Variants in HDAC9 observed in about 807,000 individuals in gnomAD.
HDAC9 encodes histone deacetylase 9, also known as MEF-2 interacting transcription repressor (MITR) protein.
A neutral mutation model predicts 139.4 loss-of-function variants in HDAC9; 41 were observed. The observed-to-expected ratio is 0.29, with a 90% CI of 0.23 to 0.38. The LOEUF (loss-of-function observed/expected upper bound fraction) is 0.38, where lower values mean the gene tolerates loss of function less well. HDAC9 is among the 10% of genes least tolerant of loss of function. The pLI is 1.00. For synonymous variants in HDAC9, 517 were observed against 476.2 expected, an observed-to-expected ratio of 1.09 and a Z score of -1.12; for missense variants, 1,147 against 1,297.0, an observed-to-expected ratio of 0.88 and a Z score of 1.78.
intron 17 of HDAC9, among the ~76,000 whole-genome samples, chr7:18,802,110 A>G (rs1020202597): frequency 4.0e-5 from 6 of 151,634 alleles, no homozygotes; most frequent in African/African-American, 1.5e-4. Flanking sequence ...AATTTCTTAA[A>G]TTATTTAGCT....
At chr7:18,856,187 A>C (rs986374656) in intron 21 of HDAC9, among the ~76,000 whole-genome samples, 2 of 152,126 alleles carry the variant, frequency 1.3e-5, no homozygotes, top group African/African-American at 4.8e-5. Context: ...GGTTCACGCT[A>C]AGGCTCACAG....
Position 18,834,075 on chromosome 7 carries a change from A to G in HDAC9, c.2467-1392A>G, listed in dbSNP as rs375904310. Reference sequence around the variant, plus strand: ...CCCAGTCTTGCAACTTATTTCCTGCATAGTCTTAGTAACTGAAACTCTCTG... The same window carrying G: ...CCCAGTCTTGCAACTTATTTCCTGCGTAGTCTTAGTAACTGAAACTCTCTG... On this transcript the variant is annotated intron_variant, in intron 19 of 25. Coordinates refer to ENST00000686413, the MANE Select transcript of HDAC9 (RefSeq NM_178425.4). Among the ~76,000 whole-genome samples the G allele has an allele frequency of 5.8e-4, 88 of 152,340 alleles. 1 individual carries two copies. Among genetic ancestry groups the G allele is most frequent in the African/African-American group, 2.0e-3 (84 of 41,582 alleles).
intron 2 of HDAC9, among the ~76,000 whole-genome samples, chr7:18,179,859 A>G (rs1789250888): frequency 1.3e-5 from 2 of 152,174 alleles, no homozygotes; most frequent in Admixed American, 1.3e-4. Context: ...GAGATAGTAA[A>G]GTATCACATG....
chr7:18,288,707 G>A (rs952597400), upstream of HDAC9, among the ~76,000 whole-genome samples: 1 of 152,196 alleles, frequency 6.6e-6, no homozygotes, highest in Non-Finnish European at 1.5e-5. Flanking sequence ...GAAGCTTTGT[G>A]CTTGAGCAGC....
intron 16 of HDAC9, among the ~76,000 whole-genome samples, chr7:18,788,560 G>C (rs1286282379): frequency 6.6e-6 from 1 of 152,012 alleles, no homozygotes; most frequent in Non-Finnish European, 1.5e-5. Flanking sequence ...TTCAAGACTA[G>C]CCTGGCCAAC....
rs182552706 is a variant in HDAC9, at chr7:18,766,528, T to A, written c.2165-578T>A. ...TGTACTGTTTAAAAAATTGTGGATG[T>A]TAGAAGTGGCCTATGGTGTACTTGG... On this transcript the variant is annotated intron_variant, in intron 15 of 25. Transcript: ENST00000686413. 2.0e-5 allele frequency among the ~76,000 whole-genome samples: 3 copies of A among 152,326 alleles called. No homozygotes were observed. The East Asian group carries it at 5.8e-4, about 29-fold the overall frequency.
At chr7:18,482,416 A>T (rs943232722) in intron 1 of HDAC9, among the ~76,000 whole-genome samples, 5 of 139,564 alleles carry the variant, frequency 3.6e-5, no homozygotes, top group Non-Finnish European at 7.7e-5. Context: ...AAAAAAAAAA[A>T]ATTCTCCTTG....
intron 2 of HDAC9, among the ~76,000 whole-genome samples, chr7:18,515,112 G>C (rs1296899757): frequency 6.6e-6 from 1 of 152,114 alleles, no homozygotes. Flanking sequence ...GATTATATTG[G>C]TTATTGGTTC....
chr7:18,811,870 G>C (rs1401112894), intron 17 of HDAC9, among the ~76,000 whole-genome samples: 3 of 151,404 alleles, frequency 2.0e-5, no homozygotes, highest in Non-Finnish European at 4.4e-5. Context: ...GAGAGGGAGA[G>C]AGAGAAAGAG....
rs2129356428 is a variant in HDAC9, at chr7:18,998,719, AG to A, written c.*2658del. ...TCGCAGTTGTTCTGAATGAGAGGCT[AG>A]AAGAGTATTATCAATTTTGCATCTC... On this transcript the variant is annotated 3_prime_UTR_variant, in exon 26 of 26. Transcript: ENST00000686413. The A allele has an allele frequency of 6.6e-6, 1 of 152,336 alleles. No individual in the cohort carries two copies. The highest frequency in any genetic ancestry group is 2.1e-4 in the South Asian group (1 of 4,830). 9.4% of individuals were successfully genotyped at this position (152,336 alleles called of 1,614,324 possible). A position where few individuals can be genotyped will look rare whatever the true frequency, so the allele number is the denominator to read the frequency against.
chr7:18,333,205 A>C (rs1457414333), intron 1 of HDAC9, among the ~76,000 whole-genome samples: 1 of 151,558 alleles, frequency 6.6e-6, no homozygotes, highest in Non-Finnish European at 1.5e-5. Context: ...GCTCAACTAG[A>C]GATAGAAATA....
chr7:18,603,818 G>A (rs1212423349), intron 6 of HDAC9, among the ~76,000 whole-genome samples: 1 of 151,942 alleles, frequency 6.6e-6, no homozygotes, highest in Non-Finnish European at 1.5e-5. Flanking sequence ...TTCTTGTATG[G>A]CAGGCCTACA....
chr7:18,246,293 T>C (rs1325369494), intron 2 of HDAC9, among the ~76,000 whole-genome samples: 1 of 151,208 alleles, frequency 6.6e-6, no homozygotes, highest in Admixed American at 6.6e-5. Flanking sequence ...GCAAGAGCAC[T>C]CTCTGGGCAG....
At chr7:18,548,013 C>G (rs1815746660) in intron 2 of HDAC9, among the ~76,000 whole-genome samples, 1 of 151,816 alleles carries the variant, frequency 6.6e-6, no homozygotes, top group South Asian at 2.1e-4. Flanking sequence ...CTTCCTAACT[C>G]AGCTTAATCA....
intron 16 of HDAC9, among the ~76,000 whole-genome samples, chr7:18,767,942 T>C (rs1245789352): frequency 2.0e-5 from 3 of 152,210 alleles, no homozygotes; most frequent in Non-Finnish European, 4.4e-5. Flanking sequence ...GTCACATGTA[T>C]ATCACGTTTT....
chr7:18,464,310 A>G (rs918396075), intron 1 of HDAC9, among the ~76,000 whole-genome samples: 3 of 152,004 alleles, frequency 2.0e-5, no homozygotes, highest in Admixed American at 6.6e-5. Flanking sequence ...TCCATTTAAT[A>G]TGATTACAGC....
At chr7:18,806,811 G>A (rs1324443855) in intron 17 of HDAC9, among the ~76,000 whole-genome samples, 1 of 152,012 alleles carries the variant, frequency 6.6e-6, no homozygotes, top group Non-Finnish European at 1.5e-5. Context: ...AAACAACCTT[G>A]CAACTTAGGG....
At chr7:18,581,933 C>T (rs1827965853) in intron 2 of HDAC9, among the ~76,000 whole-genome samples, 1 of 152,126 alleles carries the variant, frequency 6.6e-6, no homozygotes, top group South Asian at 2.1e-4. Context: ...ATTATTTTCC[C>T]ATTTTCATTA....
chr7:18,686,287 T>G (rs1391544262), intron 12 of HDAC9, among the ~76,000 whole-genome samples: 2 of 152,030 alleles, frequency 1.3e-5, no homozygotes, highest in African/African-American at 4.8e-5. Flanking sequence ...CCTCCAATTA[T>G]TTTCATGGTA....
Sources: gnomAD v4.1 joint callset for allele counts (sites outside exome capture counted in the v4.1 genomes callset) on GRCh38, gnomAD v4.1.1 for gene constraint, MANE v1.5 for transcripts, NCBI Gene and HGNC (gene_info 2026-07-23, HGNC 2026-07-21) for gene names.